Variants in ABR observed in about 807,000 individuals in gnomAD.
The protein encoded by ABR is active breakpoint cluster region-related protein.
ABR carries 35 observed loss-of-function variants against 107.2 expected under a neutral mutation model. The observed-to-expected ratio is 0.33, with a 90% CI of 0.25 to 0.43. The LOEUF is 0.43. ABR is among the 20% of genes least tolerant of loss of function. ABR has a pLI of 1.00. For synonymous variants in ABR, 498 were observed against 462.0 expected (o/e 1.08, Z -1.00); for missense variants, 815 against 1,115.2 (o/e 0.73, Z 3.83).
In ABR at chr17:1,023,298, T is replaced by C. The variant is rs115548197; in HGVS notation, c.1792-10134A>G. ...AGGAGAAGCAGACAAAATCCAAACCTGGGCTGCTCTTGGAGGCCCCACAGC... is the reference window on the plus strand; with the variant it reads ...AGGAGAAGCAGACAAAATCCAAACCCGGGCTGCTCTTGGAGGCCCCACAGC... On this transcript the variant is annotated intron_variant, in intron 16 of 22. Coordinates refer to ENST00000302538, the MANE Select transcript of ABR (RefSeq NM_021962.5). 8.5e-3 allele frequency among the ~76,000 whole-genome samples: 1,299 copies of C among 152,340 alleles called. 15 individuals carry two copies. Among genetic ancestry groups the C allele is most frequent in the African/African-American group, 0.029 (1,224 of 41,578 alleles).
rs373739745 is a variant in ABR, at chr17:1,027,794, C to T, written c.1792-14630G>A. ...ACGCACGATGAAGCTTTCTTCCCAC[C>T]GGGAAACAAGGAAGGGCGGTGGGCA... On this transcript the variant is annotated intron_variant, in intron 16 of 22. Transcript: ENST00000302538. This position sits in a 1 kb window ranked among gnomAD's most constrained non-coding sequence, Gnocchi z 4.7. 1.5e-4 allele frequency among the ~76,000 whole-genome samples: 23 copies of T among 151,936 alleles called. No homozygotes were observed. Among genetic ancestry groups the T allele is most frequent in the African/African-American group, 3.4e-4 (14 of 41,372 alleles).
rs1251567296 is a variant in ABR at position 1,070,419 on chromosome 17, TTAAG to T, written c.895-333_895-330del. Among the ~76,000 whole-genome samples, 1 of 152,140 alleles carries T rather than the reference TTAAG, an allele frequency of 6.6e-6. No individual in the cohort carries two copies. Among genetic ancestry groups the T allele is most frequent in the East Asian group, 1.9e-4 (1 of 5,176 alleles). The stretch of plus-strand genomic sequence containing the variant: ...GTGAAACAGCACAGTGCCTGGCACA[TTAAG>T]TGTGTGCAACGCACGGGGCTCTCCG... On this transcript the variant is annotated intron_variant, in intron 8 of 22. Transcript: ENST00000302538. This position sits in a 1 kb window ranked among gnomAD's most constrained non-coding sequence, Gnocchi z 4.2.
At chr17:1,153,941 C>CA in intron 1 of ABR, 2 of 166,244 alleles carry the variant, frequency 1.2e-5, no homozygotes, top group Non-Finnish European at 2.6e-5. Context: ...GCAACAGGCT[C>CA]CCGCTCCAGC....
chr17:1,091,917 G>A (rs1384933588), intron 3 of ABR, 67 bp from the exon 4 acceptor site: 20 of 1,496,638 alleles, frequency 1.3e-5, no homozygotes, highest in African/African-American at 4.2e-5. Context: ...GGCAGGCCCC[G>A]GGGCCGATCG....
intron 21 of ABR, among the ~76,000 whole-genome samples, chr17:1,008,590 T>C (rs1202702729): frequency 2.0e-5 from 3 of 152,224 alleles, no homozygotes; most frequent in African/African-American, 7.2e-5. Flanking sequence ...GCTCTAGTCC[T>C]GGCCAAACCA....
rs2041112597 is a variant in ABR at position 1,157,920 on chromosome 17, T to C, written c.61+21747A>G. Among the ~76,000 whole-genome samples, 1 of 152,228 alleles carries C rather than the reference T, an allele frequency of 6.6e-6. No individual in the cohort carries two copies. Among genetic ancestry groups the C allele is most frequent in the African/African-American group, 2.4e-5 (1 of 41,462 alleles). Reference sequence around the variant, plus strand: ...CTAGAATGGATTGAAAAGGATTATCTCGCCTAATAAGGGCAGGTATTACTT... The same window carrying C: ...CTAGAATGGATTGAAAAGGATTATCCCGCCTAATAAGGGCAGGTATTACTT... On this transcript the variant is annotated intron_variant, in intron 1 of 22. Transcript: ENST00000302538. The surrounding 1 kb of genome is among the most constrained non-coding windows in gnomAD (Gnocchi z 4.7).
chr17:1,085,786 A>T (rs1342335981), intron 4 of ABR, among the ~76,000 whole-genome samples: 1 of 152,328 alleles, frequency 6.6e-6, no homozygotes, highest in East Asian at 1.9e-4. Context: ...TAATATTTGG[A>T]TCTGCGGGAA....
Position 1,035,964 on chromosome 17 carries a change from G to A in ABR, c.1791+14086C>T, listed in dbSNP as rs139205181. On this transcript the variant is annotated intron_variant, in intron 16 of 22. Coordinates refer to ENST00000302538, the MANE Select transcript of ABR (RefSeq NM_021962.5). ...AAAAAGGTCACATCCTGCCCTGTGC[G>A]AGCGGGAGGGGCAAAGGCTGCAGTG... Among the ~76,000 whole-genome samples the A allele has an allele frequency of 3.9e-5, 6 of 152,028 alleles. No homozygotes were observed. In the East Asian group the frequency reaches 7.9e-4, roughly 20 times the overall value.
intron 1 of ABR, among the ~76,000 whole-genome samples, chr17:1,167,105 G>A (rs150761340): frequency 6.5e-4 from 99 of 152,212 alleles, no homozygotes; most frequent in African/African-American, 2.3e-3. Flanking sequence ...GGGGGACCCC[G>A]TGATACCCCA....
intron 2 of ABR, among the ~76,000 whole-genome samples, chr17:1,122,105 G>T (rs1314571259): frequency 6.6e-6 from 1 of 152,160 alleles, no homozygotes; most frequent in Non-Finnish European, 1.5e-5. Flanking sequence ...GTTTCACCAT[G>T]TTGGCCAGGC....
At chr17:1,164,448 C>A in intron 1 of ABR, among the ~76,000 whole-genome samples, 1 of 142,300 alleles carries the variant, frequency 7.0e-6, no homozygotes, top group South Asian at 2.3e-4. Context: ...GATGTCGGAG[C>A]ATCTAGGTGG....
At chr17:1,061,963 T>C (rs550175293) in intron 10 of ABR, among the ~76,000 whole-genome samples, 5 of 152,238 alleles carry the variant, frequency 3.3e-5, no homozygotes, top group African/African-American at 9.6e-5. Context: ...GCAATTACAA[T>C]TCAGTACCAT....
chr17:1,191,831 G>T (rs1206117013), upstream of ABR, among the ~76,000 whole-genome samples: 1 of 152,120 alleles, frequency 6.6e-6, no homozygotes, highest in Non-Finnish European at 1.5e-5. Context: ...TCACTTCATT[G>T]TCACCGTGCC....
rs2032455262 is a variant in ABR, at chr17:1,051,095, G to A, written c.1562-461C>T. Among the ~76,000 whole-genome samples the A allele has an allele frequency of 6.6e-6, 1 of 152,158 alleles. No individual in the cohort carries two copies. Among genetic ancestry groups the A allele is most frequent in the African/African-American group, 2.4e-5 (1 of 41,424 alleles). On this transcript the variant is annotated intron_variant, in intron 14 of 22. Coordinates refer to ENST00000302538, the MANE Select transcript of ABR (RefSeq NM_021962.5). The surrounding 1 kb of genome is among the most constrained non-coding windows in gnomAD (Gnocchi z 4.3). ...CCAGGCCTCAACAGCGGCATTTGGG[G>A]TGGGAGGCGTTTAGCAGCCCTGCCT...
chr17:1,110,592 C>T (rs971850815), intron 2 of ABR, among the ~76,000 whole-genome samples: 7 of 152,180 alleles, frequency 4.6e-5, no homozygotes, highest in Non-Finnish European at 1.0e-4. Context: ...CACCTGTGGC[C>T]CGAGTTCAGG....
At chr17:1,149,735 T>A (rs2151525467) in intron 1 of ABR, among the ~76,000 whole-genome samples, 1 of 152,050 alleles carries the variant, frequency 6.6e-6, no homozygotes, top group Non-Finnish European at 1.5e-5. Context: ...ATTTCTGTTT[T>A]GCCGCCAACT....
chr17:1,042,928 C>G lies in ABR; in HGVS notation c.1791+7122G>C, dbSNP rs1260603025. ...GACACACAACGGCATATGGGTGAAGCTCAAGGACATGAGGAGGACAAATGC... is the reference window on the plus strand; with the variant it reads ...GACACACAACGGCATATGGGTGAAGGTCAAGGACATGAGGAGGACAAATGC... On this transcript the variant is annotated intron_variant, in intron 16 of 22. Transcript: ENST00000302538. Among the ~76,000 whole-genome samples, 6 of 152,194 alleles carry G rather than the reference C, an allele frequency of 3.9e-5. No individual in the cohort carries two copies. The East Asian group carries it at 1.2e-3, about 29-fold the overall frequency.
intron 6 of ABR, among the ~76,000 whole-genome samples, chr17:1,076,717 GGGGGGTGGGGGT>G (rs1414971643): frequency 1.8e-5 from 2 of 112,230 alleles, no homozygotes; most frequent in South Asian, 3.2e-4. Context: ...AGGTGCACGG[GGGGGGTGGGGGT>G]GGGGGGGGTG....
Position 1,169,675 on chromosome 17 carries a change from C to T in ABR, c.61+9992G>A, listed in dbSNP as rs556139532. ...TCTGCCCCGTCATTAACATGCTGCGCGCGGGAGAGTTCAAACACAGCAGCT... is the reference window on the plus strand; with the variant it reads ...TCTGCCCCGTCATTAACATGCTGCGTGCGGGAGAGTTCAAACACAGCAGCT... On this transcript the variant is annotated intron_variant, in intron 1 of 22. Transcript: ENST00000302538. 4.6e-5 allele frequency among the ~76,000 whole-genome samples: 7 copies of T among 152,262 alleles called. No homozygotes were observed. In the East Asian group the frequency reaches 9.7e-4, roughly 21 times the overall value.
Sources: allele counts gnomAD v4.1 joint callset (sites outside exome capture counted in the v4.1 genomes callset), GRCh38; gene constraint gnomAD v4.1.1; non-coding constraint Gnocchi (gnomAD v3.1); transcripts MANE v1.5; gene names NCBI Gene and HGNC (gene_info 2026-07-23, HGNC 2026-07-21).